STK3: variants seen among roughly 807,000 people sequenced by gnomAD.
The protein encoded by STK3 is serine/threonine kinase 3.
In STK3, 41 loss-of-function variants were observed where a neutral mutation model predicts 58.0. The ratio of observed to expected loss-of-function variants is 0.71; its 90% CI spans 0.55 to 0.92. The LOEUF (loss-of-function observed/expected upper bound fraction) is 0.92, where lower values mean the gene tolerates loss of function less well. Ranked by LOEUF, STK3 falls within the 40% of genes least tolerant of loss-of-function variation. STK3 has a pLI of 0.00. For synonymous variants in STK3, 170 were observed against 191.0 expected (o/e 0.89, Z 0.91); for missense variants, 479 against 602.7 (o/e 0.79, Z 2.15).
Position 98,496,715 on chromosome 8 carries a change from T to C in STK3, c.1317+30027A>G, listed in dbSNP as rs544169187. Among the ~76,000 whole-genome samples the C allele has an allele frequency of 3.9e-5, 6 of 152,224 alleles. No homozygotes were observed. In the South Asian group the frequency reaches 1.2e-3, roughly 32 times the overall value. On this transcript the variant is annotated intron_variant, in intron 10 of 10. Coordinates refer to ENST00000419617, the MANE Select transcript of STK3 (RefSeq NM_006281.4). ...TATTATGCTAAGTAGAATAAACCAG[T>C]CACAAAAGATAATACTGTATTACTC...
At chr8:98,888,898 G>T (rs1456483287) in intron 1 of STK3, among the ~76,000 whole-genome samples, 1 of 152,136 alleles carries the variant, frequency 6.6e-6, no homozygotes, top group Non-Finnish European at 1.5e-5. Flanking sequence ...ACTTGAGCCA[G>T]GTGGACTTAA....
At chr8:98,414,956 A>G (rs1818097432) in intron 3 of STK3, among the ~76,000 whole-genome samples, 1 of 152,206 alleles carries the variant, frequency 6.6e-6, no homozygotes, top group South Asian at 2.1e-4. Context: ...CTCTACTATG[A>G]TCTGAATTTG....
intron 3 of STK3, among the ~76,000 whole-genome samples, chr8:98,411,084 CCTA>C (rs1372272849): frequency 1.3e-5 from 2 of 152,208 alleles, no homozygotes; most frequent in Non-Finnish European, 2.9e-5. Context: ...TTTGTACACG[CCTA>C]CTAAGTGTAA....
intron 6 of STK3, among the ~76,000 whole-genome samples, chr8:98,614,470 T>C (rs1290100118): frequency 6.6e-6 from 1 of 152,024 alleles, no homozygotes; most frequent in African/African-American, 2.4e-5. Flanking sequence ...GATGGCCGAA[T>C]AGGAACAGCT....
At chr8:98,846,337 G>A (rs1790972832) in intron 3 of STK3, among the ~76,000 whole-genome samples, 1 of 152,198 alleles carries the variant, frequency 6.6e-6, no homozygotes, top group Admixed American at 6.5e-5. Context: ...CCAAGGAATA[G>A]AGCTGACTCT....
At chr8:98,613,817 T>C (rs1015252994) in intron 6 of STK3, among the ~76,000 whole-genome samples, 1 of 151,964 alleles carries the variant, frequency 6.6e-6, no homozygotes, top group Admixed American at 6.6e-5. Context: ...ACTTATAATA[T>C]AAAAATACAG....
At chr8:98,413,303 C>T (rs1818076635) in intron 3 of STK3, 2 of 465,132 alleles carry the variant, frequency 4.3e-6, no homozygotes, top group South Asian at 1.7e-5. Context: ...GCGCAAGCCA[C>T]CATGCCTGGC....
At chr8:98,691,464 T>C (rs761827784) in intron 6 of STK3, among the ~76,000 whole-genome samples, 1 of 151,994 alleles carries the variant, frequency 6.6e-6, no homozygotes, top group African/African-American at 2.4e-5. Context: ...AAAGAAGACA[T>C]ACAAAGGGAC....
chr8:98,851,712 A>T (rs532054410), intron 3 of STK3, among the ~76,000 whole-genome samples: 25 of 152,326 alleles, frequency 1.6e-4, no homozygotes, highest in African/African-American at 6.0e-4. Context: ...TATAATCCCA[A>T]CACTGTGGAA....
chr8:98,456,880 C>T (rs1021123439), intron 10 of STK3, among the ~76,000 whole-genome samples: 8 of 152,242 alleles, frequency 5.3e-5, no homozygotes, highest in African/African-American at 1.4e-4. Context: ...CTTTTACTCG[C>T]CATCCCTGGC....
At chr8:98,585,270 G>C (rs901481856) in intron 7 of STK3, among the ~76,000 whole-genome samples, 1 of 152,102 alleles carries the variant, frequency 6.6e-6, no homozygotes, top group African/African-American at 2.4e-5. Flanking sequence ...ATTAATTTTT[G>C]TATAAGGTGT....
intron 3 of STK3, among the ~76,000 whole-genome samples, chr8:98,756,240 A>G (rs751985721): frequency 4.6e-5 from 7 of 152,234 alleles, no homozygotes; most frequent in Non-Finnish European, 8.8e-5. Context: ...GACCTAATTT[A>G]GGACTCTCCA....
chr8:98,384,238 A>G (rs1425533261), intron 1 of STK3, among the ~76,000 whole-genome samples: 1 of 152,178 alleles, frequency 6.6e-6, no homozygotes, highest in Non-Finnish European at 1.5e-5. Context: ...AGGTGTAACC[A>G]ACTGGAGGCT....
intron 3 of STK3, among the ~76,000 whole-genome samples, chr8:98,749,817 T>G (rs181960692): frequency 3.9e-5 from 6 of 152,258 alleles, no homozygotes. Context: ...TTAAATTTTC[T>G]TTCATTCTGG....
intron 10 of STK3, among the ~76,000 whole-genome samples, chr8:98,463,784 G>A (rs1311998874): frequency 2.6e-5 from 4 of 152,180 alleles, no homozygotes; most frequent in South Asian, 2.1e-4. Flanking sequence ...TTACATGAGC[G>A]ATTTTTAAGA....
At chr8:98,790,761 G>A (rs990061443) in intron 1 of STK3, among the ~76,000 whole-genome samples, 3 of 152,168 alleles carry the variant, frequency 2.0e-5, no homozygotes, top group Middle Eastern at 3.4e-3. Context: ...GAGGCAGGTG[G>A]ATCACGAGGT....
At chr8:98,760,729 G>A (rs200558025) in intron 3 of STK3, among the ~76,000 whole-genome samples, 1 of 72,074 alleles carries the variant, frequency 1.4e-5, no homozygotes, top group Admixed American at 1.9e-4. Context: ...TTGAGGGGGT[G>A]GGGGGCTTCT....
Position 98,767,390 on chromosome 8 carries a change from T to C in STK3, c.108-19A>G, listed in dbSNP as rs1831016541. On this transcript the variant is annotated intron_variant, in intron 2 of 10. Transcript: ENST00000419617. ...ATAAGACCTAAAAGAAACCAAGACA[T>C]TATTTTTTTCCTATCAAACATCGTA... 12 of 1,570,224 alleles carry C rather than the reference T, an allele frequency of 7.6e-6. No individual in the cohort carries two copies. Among genetic ancestry groups the C allele is most frequent in the Admixed American group, 2.1e-5 (1 of 48,142 alleles).
At chr8:98,589,438 G>C (rs1391936509) in intron 7 of STK3, among the ~76,000 whole-genome samples, 1 of 152,234 alleles carries the variant, frequency 6.6e-6, no homozygotes. Flanking sequence ...ACCCACTTAA[G>C]GAGGCAGTCT....
Sources: allele counts gnomAD v4.1 joint callset (sites outside exome capture counted in the v4.1 genomes callset), GRCh38; gene constraint gnomAD v4.1.1; transcripts MANE v1.5; gene names NCBI Gene and HGNC (gene_info 2026-07-23, HGNC 2026-07-21).